MTHFD1L: variants seen among roughly 807,000 people sequenced by gnomAD.
The protein encoded by MTHFD1L is methylenetetrahydrofolate dehydrogenase (NADP+ dependent) 1 like.
Under a neutral mutation model 119.5 loss-of-function variants are expected in MTHFD1L, and 81 were observed. The observed-to-expected ratio is 0.68, with a 90% CI of 0.57 to 0.82. The LOEUF is 0.82. MTHFD1L is among the 40% of genes least tolerant of loss of function. The pLI, the probability that MTHFD1L is intolerant of heterozygous loss-of-function variation, is 0.00. For missense variants in MTHFD1L, 1,125 were observed against 1,253.4 expected, an observed-to-expected ratio of 0.90 and a Z score of 1.55; for synonymous variants, 430 against 475.2, an observed-to-expected ratio of 0.90 and a Z score of 1.24.
At chr6:150,951,145 T>C (rs2128975940) in intron 16 of MTHFD1L, among the ~76,000 whole-genome samples, 1 of 149,838 alleles carries the variant, frequency 6.7e-6, no homozygotes, top group South Asian at 2.2e-4. Context: ...CAAGCAATTC[T>C]CCTGCCTCAG....
intron 27 of MTHFD1L, among the ~76,000 whole-genome samples, chr6:151,093,580 C>CGGGT (rs1794641577): frequency 6.6e-6 from 1 of 152,006 alleles, no homozygotes; most frequent in Non-Finnish European, 1.5e-5. Context: ...TGCTTGAACC[C>CGGGT]GGGAGGCGGA....
intron 4 of MTHFD1L, among the ~76,000 whole-genome samples, chr6:150,881,587 G>A (rs1583349008): frequency 2.0e-5 from 3 of 152,058 alleles, no homozygotes; most frequent in Non-Finnish European, 2.9e-5. Context: ...CTTGGACATC[G>A]TGGCCTCTGA....
chr6:150,921,479 T>G (rs1416076995), intron 9 of MTHFD1L, among the ~76,000 whole-genome samples: 1 of 152,226 alleles, frequency 6.6e-6, no homozygotes, highest in Non-Finnish European at 1.5e-5. Flanking sequence ...CTTGAATTCC[T>G]GACCTCAAGT....
chr6:150,870,035 G>T (rs1196957741), intron 1 of MTHFD1L, among the ~76,000 whole-genome samples: 1 of 152,226 alleles, frequency 6.6e-6, no homozygotes, highest in Non-Finnish European at 1.5e-5. Flanking sequence ...CTCCCAAAGT[G>T]TTGGGATTAC....
intron 20 of MTHFD1L, among the ~76,000 whole-genome samples, chr6:150,979,407 C>G (rs1415650752): frequency 6.6e-6 from 1 of 152,166 alleles, no homozygotes; most frequent in Non-Finnish European, 1.5e-5. Flanking sequence ...TTCTTCCTCC[C>G]AAGTAGGTTA....
rs144019700 is a variant in MTHFD1L at position 150,969,098 on chromosome 6, C to T, written c.2014-2849C>T. ...TCCTGACCTCATGATCCACCCACCTCGGCCTCCCAAAGTGCTGGGATTACA... is the reference window on the plus strand; with the variant it reads ...TCCTGACCTCATGATCCACCCACCTTGGCCTCCCAAAGTGCTGGGATTACA... On this transcript the variant is annotated intron_variant, in intron 19 of 27. Coordinates refer to ENST00000367321, the MANE Select transcript of MTHFD1L (RefSeq NM_015440.5). Among the ~76,000 whole-genome samples, 376 of 151,790 alleles carry T rather than the reference C, an allele frequency of 2.5e-3. 1 individual carries two copies. The highest frequency in any genetic ancestry group is 4.2e-3 in the Non-Finnish European group (288 of 67,912).
chr6:150,882,984 T>C, intron 5 of MTHFD1L, 98 bp downstream of exon 5: 2 of 1,186,668 alleles, frequency 1.7e-6, no homozygotes, highest in Non-Finnish European at 2.3e-6. Flanking sequence ...TTATTTCAAC[T>C]GTGTCAGTAA....
At chr6:150,885,516 T>C in intron 5 of MTHFD1L, 118 bp from the exon 6 acceptor site, 1 of 708,280 alleles carries the variant, frequency 1.4e-6, no homozygotes, top group Admixed American at 2.4e-5. Context: ...CATTTTTATG[T>C]ATTCTGTCTA....
At chr6:150,934,846 T>C (rs532329798) in intron 11 of MTHFD1L, 3 of 1,262,814 alleles carry the variant, frequency 2.4e-6, no homozygotes, top group East Asian at 2.4e-5. Flanking sequence ...CTGCCAATGC[T>C]TTCTCATTTG....
chr6:151,032,112 G>C (rs1220774460), intron 24 of MTHFD1L, among the ~76,000 whole-genome samples: 2 of 152,040 alleles, frequency 1.3e-5, no homozygotes, highest in Non-Finnish European at 2.9e-5. Context: ...TTGTTCTTTT[G>C]GTTTTGTTTT....
At chr6:150,995,514 CAA>C (rs71737990) in intron 20 of MTHFD1L, among the ~76,000 whole-genome samples, 41,369 of 114,608 alleles carry the variant, frequency 0.36, 6,933 homozygotes, top group East Asian at 0.59. Flanking sequence ...AACTCCGTCT[CAA>C]AAAAAAAAAA....
intron 27 of MTHFD1L, among the ~76,000 whole-genome samples, chr6:151,100,635 TTTTG>T (rs1242745471): frequency 1.3e-5 from 2 of 151,724 alleles, no homozygotes; most frequent in Non-Finnish European, 2.9e-5. Flanking sequence ...TTAAGTGTTG[TTTTG>T]TTTCTTTTTT....
In MTHFD1L at chr6:150,880,290, C is replaced by T. The variant is rs78998836; in HGVS notation, c.417+2464C>T. Among the ~76,000 whole-genome samples, 961 of 152,258 alleles carry T rather than the reference C, an allele frequency of 6.3e-3. 11 individuals carry two copies. Among genetic ancestry groups the T allele is most frequent in the African/African-American group, 0.022 (916 of 41,540 alleles). Reference sequence around the variant, plus strand: ...ATCCCTCTCCAGCCTCTGGTAACCACCATTCTATTCTCTATTTCTATGAGA... The same window carrying T: ...ATCCCTCTCCAGCCTCTGGTAACCATCATTCTATTCTCTATTTCTATGAGA... On this transcript the variant is annotated intron_variant, in intron 4 of 27. Coordinates refer to ENST00000367321, the MANE Select transcript of MTHFD1L (RefSeq NM_015440.5).
At chr6:151,045,853 C>T (rs1450508842) in intron 26 of MTHFD1L, among the ~76,000 whole-genome samples, 4 of 152,216 alleles carry the variant, frequency 2.6e-5, no homozygotes, top group South Asian at 2.1e-4. Context: ...GTATTGTGGC[C>T]GTGCCTTCCT....
At chr6:151,014,839 A>G in intron 22 of MTHFD1L, 41 bp from the exon 23 acceptor site, 1 of 1,542,214 alleles carries the variant, frequency 6.5e-7, no homozygotes, top group Non-Finnish European at 8.9e-7. Flanking sequence ...GGTGGGAGAC[A>G]ATACACAGGG....
intron 11 of MTHFD1L, among the ~76,000 whole-genome samples, chr6:150,930,658 T>C (rs980017322): frequency 1.1e-4 from 17 of 152,028 alleles, no homozygotes; most frequent in Admixed American, 9.2e-4. Context: ...TTTTCCATGC[T>C]TTAGAAGAAT....
intron 13 of MTHFD1L, 32 bp from the exon 14 acceptor site, chr6:150,944,454 T>A: frequency 6.6e-7 from 1 of 1,513,030 alleles, no homozygotes; most frequent in East Asian, 2.3e-5. Context: ...TTTCTGAAAA[T>A]AAATAAATAG....
Position 150,866,511 on chromosome 6 carries a change from A to G in MTHFD1L, c.227+462A>G. 4 of 1,293,836 alleles carry G rather than the reference A, an allele frequency of 3.1e-6. No homozygotes were observed. The South Asian group carries it at 6.9e-5, about 22-fold the overall frequency. 80.1% of individuals were successfully genotyped at this position (1,293,836 alleles called of 1,614,324 possible). ...GGGAAGGGCAAGCGGAGCTCGGGAGAGGCGGGCTCGGGCCCAGCGCCGCCC... is the reference window on the plus strand; with the variant it reads ...GGGAAGGGCAAGCGGAGCTCGGGAGGGGCGGGCTCGGGCCCAGCGCCGCCC... On this transcript the variant is annotated intron_variant, in intron 1 of 27. Coordinates refer to ENST00000367321, the MANE Select transcript of MTHFD1L (RefSeq NM_015440.5).
intron 26 of MTHFD1L, among the ~76,000 whole-genome samples, chr6:151,077,552 G>A (rs528440636): frequency 3.3e-5 from 5 of 152,208 alleles, no homozygotes; most frequent in South Asian, 4.2e-4. Flanking sequence ...CTGGTGGCAC[G>A]CATCTGTAAT....
Sources: allele counts gnomAD v4.1 joint callset (sites outside exome capture counted in the v4.1 genomes callset), GRCh38; gene constraint gnomAD v4.1.1; transcripts MANE v1.5; gene names NCBI Gene and HGNC (gene_info 2026-07-23, HGNC 2026-07-21).